Variants in TINAG observed in about 807,000 individuals in gnomAD.
The protein encoded by TINAG is tubulointerstitial nephritis antigen.
Under a neutral mutation model 72.7 loss-of-function variants are expected in TINAG, and 83 were observed. That is an observed-to-expected ratio of 1.14 (90% confidence interval 0.96 to 1.37). The LOEUF (loss-of-function observed/expected upper bound fraction) is 1.37. Among genes scored for constraint, TINAG ranks in the 40% most tolerant of loss-of-function variants. The probability of loss-of-function intolerance (pLI) is 0.00; values close to 1 mark genes in which losing one functional copy is unlikely to be tolerated. For missense variants in TINAG, 685 were observed against 576.6 expected (o/e 1.19, Z -1.93); for synonymous variants, 234 against 189.9 (o/e 1.23, Z -1.91).
At chr6:54,313,031 T>C (rs746247586) in intron 1 of TINAG, among the ~76,000 whole-genome samples, 12 of 152,192 alleles carry the variant, frequency 7.9e-5, no homozygotes, top group Non-Finnish European at 1.3e-4. Flanking sequence ...CTATTGCAGG[T>C]ATTTTGGGAT....
At chr6:54,332,804 A>T (rs1784771971) in intron 4 of TINAG, among the ~76,000 whole-genome samples, 1 of 152,354 alleles carries the variant, frequency 6.6e-6, no homozygotes, top group South Asian at 2.1e-4. Context: ...AAAGTGGGCA[A>T]AGGACATGAA....
At chr6:54,327,065 T>C (rs953978006) in intron 4 of TINAG, 149 bp downstream of exon 4, 3 of 1,543,648 alleles carry the variant, frequency 1.9e-6, no homozygotes, top group Non-Finnish European at 1.7e-6. Flanking sequence ...TTTCCCTAAA[T>C]GGTTGTTAAA....
chr6:54,333,363 AG>A (rs1181280551), intron 4 of TINAG, among the ~76,000 whole-genome samples: 1 of 152,148 alleles, frequency 6.6e-6, no homozygotes, highest in East Asian at 1.9e-4. Flanking sequence ...AAACTAAGAC[AG>A]GAACAGAAAA....
At chr6:54,333,514 G>A (rs1784791195) in intron 4 of TINAG, among the ~76,000 whole-genome samples, 1 of 151,994 alleles carries the variant, frequency 6.6e-6, no homozygotes, top group South Asian at 2.1e-4. Flanking sequence ...AATATCTAAT[G>A]TAGATGATGG....
intron 1 of TINAG, among the ~76,000 whole-genome samples, chr6:54,316,488 G>A (rs1210796007): frequency 2.6e-5 from 4 of 152,134 alleles, no homozygotes; most frequent in Non-Finnish European, 5.9e-5. Flanking sequence ...AGCACTTGCA[G>A]CCGTTTCTCC....
At chr6:54,321,431 C>A in intron 3 of TINAG, 45 bp downstream of exon 3, 1 of 1,337,770 alleles carries the variant, frequency 7.5e-7, no homozygotes, top group Non-Finnish European at 1.1e-6. Context: ...CTGCCATTTA[C>A]TATGCAGGTT....
At chr6:54,323,644 A>G (rs943263856) in intron 3 of TINAG, among the ~76,000 whole-genome samples, 2 of 152,192 alleles carry the variant, frequency 1.3e-5, no homozygotes, top group Non-Finnish European at 2.9e-5. Context: ...CACTGATGGC[A>G]TGGCTGAGGA....
At chr6:54,377,092 G>T (rs997072292) in intron 9 of TINAG, among the ~76,000 whole-genome samples, 3 of 151,966 alleles carry the variant, frequency 2.0e-5, no homozygotes, top group African/African-American at 7.2e-5. Flanking sequence ...TAATGAAGTA[G>T]AAACAATTTA....
chr6:54,349,924 T>C, intron 7 of TINAG, 28 bp downstream of exon 7: 2 of 1,488,326 alleles, frequency 1.3e-6, no homozygotes, highest in South Asian at 1.4e-5. Context: ...GAATCAAGAA[T>C]AGTTGGCTTT....
intron 9 of TINAG, among the ~76,000 whole-genome samples, chr6:54,373,975 T>A (rs1763704230): frequency 6.6e-6 from 1 of 152,124 alleles, no homozygotes; most frequent in African/African-American, 2.4e-5. Context: ...GTTGTAGATG[T>A]ATAGATGTTT....
intron 10 of TINAG, among the ~76,000 whole-genome samples, chr6:54,384,866 T>A (rs1374355062): frequency 2.0e-5 from 3 of 152,298 alleles, no homozygotes; most frequent in African/African-American, 7.2e-5. Context: ...ATATTACACA[T>A]AAATATTGAT....
chr6:54,343,079 T>C lies in TINAG; in HGVS notation c.625-147T>C, dbSNP rs1785036551. 21 of 646,182 alleles carry C rather than the reference T, an allele frequency of 3.2e-5. 1 individual carries two copies. In the South Asian group the frequency reaches 1.2e-3, roughly 37 times the overall value. The allele number at this position is 646,182 out of a possible 1,614,324, so 40.0% of individuals were successfully genotyped here. ...TCATTTTTAACCATAGAGTGAAATA[T>C]AAATCCCACATAGCTGTAGTTCATC... On this transcript the variant is annotated intron_variant, in intron 4 of 10. Transcript: ENST00000259782.
chr6:54,347,337 C>T lies in TINAG; in HGVS notation c.749-30C>T, dbSNP rs780402254. On this transcript the variant is annotated intron_variant, in intron 5 of 10. Coordinates refer to ENST00000259782, the MANE Select transcript of TINAG (RefSeq NM_014464.4). ...TTATTAGAAATACCGTGTATCATTT[C>T]AATATTAATTGATATTCTATTTGAA... 3 of 1,608,444 alleles carry T rather than the reference C, an allele frequency of 1.9e-6. No homozygotes were observed. The South Asian group carries it at 3.3e-5, about 18-fold the overall frequency.
At chr6:54,380,828 A>C (rs1763924287) in intron 10 of TINAG, among the ~76,000 whole-genome samples, 1 of 151,656 alleles carries the variant, frequency 6.6e-6, no homozygotes, top group Non-Finnish European at 1.5e-5. Context: ...CAAGAGGGTA[A>C]CTTTGTTCTA....
At position 54,321,982 on chromosome 6, in the gene TINAG, G is replaced by A. The variant is rs554668711; in HGVS notation, c.509+596G>A. Among the ~76,000 whole-genome samples, 23 of 152,204 alleles carry A rather than the reference G, an allele frequency of 1.5e-4. No homozygotes were observed. In the East Asian group the frequency reaches 3.3e-3, roughly 22 times the overall value. ...CATGCAGATTGAAAAATTAGGTGGCGTCTCCATTTACATAGAGGAAATTAA... is the reference window on the plus strand; with the variant it reads ...CATGCAGATTGAAAAATTAGGTGGCATCTCCATTTACATAGAGGAAATTAA... On this transcript the variant is annotated intron_variant, in intron 3 of 10. Coordinates refer to ENST00000259782, the MANE Select transcript of TINAG (RefSeq NM_014464.4).
chr6:54,346,257 T>G (rs1350145690), intron 5 of TINAG, among the ~76,000 whole-genome samples: 1 of 152,076 alleles, frequency 6.6e-6, no homozygotes, highest in Non-Finnish European at 1.5e-5. Flanking sequence ...TATGTCTCCC[T>G]TGTTTCTTGT....
chr6:54,331,123 T>C (rs1402147982), intron 4 of TINAG, among the ~76,000 whole-genome samples: 4 of 152,192 alleles, frequency 2.6e-5, no homozygotes, highest in African/African-American at 9.6e-5. Context: ...CAGCATCATC[T>C]TGATACCAAA....
chr6:54,357,503 C>G (rs541241866), intron 9 of TINAG, among the ~76,000 whole-genome samples: 23 of 152,068 alleles, frequency 1.5e-4, no homozygotes, highest in Admixed American at 6.6e-4. Flanking sequence ...AAACAGAACT[C>G]CTGATCTTCT....
In TINAG at chr6:54,347,447, T is replaced by C. The variant is rs778234446; in HGVS notation, c.829T>C (p.Cys277Arg). Residue 277 changes from cysteine (C) to arginine (R), a missense_variant, in exon 6 of 11, where the codon TGT becomes CGT. Transcript: ENST00000259782. ...NLSPQNLISC[C>R]AKNRHGCNSG... ...ATCCCCTCAGAATTTGATCTCTTGC[T>C]GTGCCAAGAACCGTCATGGATGCAA... 1 of 1,613,388 alleles carries C rather than the reference T, an allele frequency of 6.2e-7. No individual in the cohort carries two copies. Among genetic ancestry groups the C allele is most frequent in the Non-Finnish European group, 8.5e-7 (1 of 1,179,590 alleles).
Sources: allele counts gnomAD v4.1 joint callset (sites outside exome capture counted in the v4.1 genomes callset), GRCh38; gene constraint gnomAD v4.1.1; transcripts MANE v1.5; gene names NCBI Gene and HGNC (gene_info 2026-07-23, HGNC 2026-07-21).